SKIC2: variants seen among roughly 807,000 people sequenced by gnomAD.
The protein encoded by SKIC2 is SKI2 subunit of superkiller complex.
chr6:31,966,390 G>T, the SKIC2 span, among the ~76,000 whole-genome samples: 1 of 152,152 alleles, frequency 6.6e-6, no homozygotes, highest in East Asian at 1.9e-4. The surrounding 1 kb of genome is among the most constrained non-coding windows in gnomAD (Gnocchi z 5.9). Context: ...ATAGGTGTGG[G>T]CCACAGCGCC....
the SKIC2 span, chr6:31,968,646 C>A: frequency 2.5e-6 from 4 of 1,572,552 alleles, no homozygotes; most frequent in Non-Finnish European, 3.5e-6. The surrounding 1 kb of genome is among the most constrained non-coding windows in gnomAD (Gnocchi z 6.1). Context: ...TGCACCCCTG[C>A]TAAGGGGCAA....
chr6:31,959,628 G>T, the SKIC2 span: 7 of 556,446 alleles, frequency 1.3e-5, no homozygotes, highest in Admixed American at 2.4e-4. Context: ...TTTCAAATGT[G>T]GCATTTCTCC....
At chr6:31,962,154 C>A in the SKIC2 span, 1 of 1,266,420 alleles carries the variant, frequency 7.9e-7, no homozygotes, top group South Asian at 1.3e-5. The surrounding 1 kb of genome is among the most constrained non-coding windows in gnomAD (Gnocchi z 5.0). Context: ...CTAGCTCATC[C>A]TTTAAGTGAG....
chr6:31,959,394 GA>G, the SKIC2 span: 3 of 1,609,896 alleles, frequency 1.9e-6, no homozygotes, highest in South Asian at 3.3e-5. Context: ...GAGCTCCAGA[GA>G]GTAGCGTGAG....
chr6:31,961,678 A>G, the SKIC2 span: 3 of 1,610,912 alleles, frequency 1.9e-6, no homozygotes, highest in South Asian at 1.1e-5. Context: ...CCTTCCAGGT[A>G]CTTTGGCCCC....
chr6:31,967,344 G>A, the SKIC2 span: 1 of 1,612,968 alleles, frequency 6.2e-7, no homozygotes, highest in Non-Finnish European at 8.5e-7. The surrounding 1 kb of genome is among the most constrained non-coding windows in gnomAD (Gnocchi z 4.9). Context: ...TGAAGAATCA[G>A]GAGCATCACA....
At chr6:31,962,826 G>A in the SKIC2 span, 65 of 1,529,550 alleles carry the variant, frequency 4.2e-5, no homozygotes, top group Non-Finnish European at 5.4e-5. This position sits in a 1 kb window ranked among gnomAD's most constrained non-coding sequence, Gnocchi z 5.0. Flanking sequence ...CCCAGAACCC[G>A]GCAGTCCTCT....
chr6:31,959,365 G>A, the SKIC2 span: 1 of 1,613,856 alleles, frequency 6.2e-7, no homozygotes, highest in East Asian at 2.2e-5. Context: ...GGGGCACTGG[G>A]AGCTGCTGAA....
At chr6:31,962,585 G>A in the SKIC2 span, 6 of 1,612,120 alleles carry the variant, frequency 3.7e-6, no homozygotes, top group East Asian at 2.2e-5. The surrounding 1 kb of genome is among the most constrained non-coding windows in gnomAD (Gnocchi z 5.0). Context: ...GAGATCCTTC[G>A]GTGAGAGATG....
the SKIC2 span, chr6:31,968,622 G>A: frequency 6.4e-7 from 1 of 1,555,044 alleles, no homozygotes; most frequent in African/African-American, 1.4e-5. This position sits in a 1 kb window ranked among gnomAD's most constrained non-coding sequence, Gnocchi z 6.1. Context: ...CCCCATCTCA[G>A]CCCTTGTCCT....
chr6:31,961,318 A>G, the SKIC2 span: 4 of 1,597,926 alleles, frequency 2.5e-6, no homozygotes, highest in Admixed American at 1.8e-5. Flanking sequence ...CAGAGGGGAC[A>G]CTGTTTCAGC....
At chr6:31,966,868 G>C in the SKIC2 span, 1 of 1,614,124 alleles carries the variant, frequency 6.2e-7, no homozygotes. This position sits in a 1 kb window ranked among gnomAD's most constrained non-coding sequence, Gnocchi z 5.9. Context: ...GGGGTAACCA[G>C]TGTGTGGAGC....
the SKIC2 span, chr6:31,967,683 C>A: frequency 9.3e-6 from 15 of 1,610,120 alleles, no homozygotes; most frequent in Non-Finnish European, 1.3e-5. The surrounding 1 kb of genome is among the most constrained non-coding windows in gnomAD (Gnocchi z 4.9). Context: ...CTCATCACAC[C>A]CCCCTCTCCT....
the SKIC2 span, chr6:31,967,935 C>T: frequency 1.4e-5 from 22 of 1,613,082 alleles, no homozygotes; most frequent in Middle Eastern, 1.6e-4. This position sits in a 1 kb window ranked among gnomAD's most constrained non-coding sequence, Gnocchi z 4.9. Flanking sequence ...CAATGTCTGC[C>T]CTGCTCTCCC....
the SKIC2 span, chr6:31,966,644 A>C: frequency 3.2e-6 from 5 of 1,576,046 alleles, no homozygotes; most frequent in Non-Finnish European, 4.4e-6. This position sits in a 1 kb window ranked among gnomAD's most constrained non-coding sequence, Gnocchi z 5.9. Context: ...GGCCCAGTCC[A>C]GAAGACTGGC....
the SKIC2 span, chr6:31,962,631 G>T: frequency 6.2e-7 from 1 of 1,608,678 alleles, no homozygotes; most frequent in East Asian, 2.2e-5. This position sits in a 1 kb window ranked among gnomAD's most constrained non-coding sequence, Gnocchi z 5.0. Flanking sequence ...CTGGGAAGAT[G>T]TGGCCGTTGT....
At chr6:31,966,008 A>G in the SKIC2 span, 1 of 1,587,280 alleles carries the variant, frequency 6.3e-7, no homozygotes, top group Non-Finnish European at 8.6e-7. This position sits in a 1 kb window ranked among gnomAD's most constrained non-coding sequence, Gnocchi z 5.9. Flanking sequence ...GCACCGCATG[A>G]TGATGGTGAG....
the SKIC2 span, chr6:31,961,452 G>A: frequency 1.3e-6 from 2 of 1,525,188 alleles, no homozygotes; most frequent in East Asian, 4.5e-5. Flanking sequence ...TGGCTAGGAT[G>A]GGTCTGAGGG....
chr6:31,968,495 TC>T, the SKIC2 span: 1 of 1,612,924 alleles, frequency 6.2e-7, no homozygotes, highest in Non-Finnish European at 8.5e-7. The surrounding 1 kb of genome is among the most constrained non-coding windows in gnomAD (Gnocchi z 6.1). Flanking sequence ...GAGGAGCTGA[TC>T]CAGGGGGCTC....
Sources: allele counts gnomAD v4.1 joint callset (sites outside exome capture counted in the v4.1 genomes callset), GRCh38; gene constraint gnomAD v4.1.1; non-coding constraint Gnocchi (gnomAD v3.1); transcripts MANE v1.5; gene names NCBI Gene and HGNC (gene_info 2026-07-23, HGNC 2026-07-21).